The following PRRG1 variants were observed in gnomAD, a reference collection of about 807,000 sequenced individuals.
The protein encoded by PRRG1 is proline rich and Gla domain 1.
Under a neutral mutation model 11.8 loss-of-function variants are expected in PRRG1, and 5 were observed. The observed-to-expected ratio is 0.42, with a 90% confidence interval of 0.22 to 0.89. The LOEUF is 0.89. PRRG1 is among the 40% of genes least tolerant of loss of function. The pLI is 0.28. For missense variants in PRRG1, 155 were observed against 166.1 expected (o/e 0.93, Z 0.37); for synonymous variants, 66 against 60.4 (o/e 1.09, Z -0.43).
At chrX:37,433,773 C>T (rs979079589) in intron 3 of PRRG1, among the ~76,000 whole-genome samples, 1 of 111,497 alleles carries the variant, frequency 9.0e-6, no homozygotes, top group African/African-American at 3.3e-5. Context: ...TGGGAGGAAC[C>T]GATTTAAACC....
At position 37,430,559 on chromosome X, in the gene PRRG1, G is replaced by A. The variant is rs189541032; in HGVS notation, c.171+4559G>A. ...TATAATACACAATGGTTTCGGAATT[G>A]TAATATCTATACTGTAATGTGGAGA... On this transcript the variant is annotated intron_variant, in intron 3 of 3. Transcript: ENST00000378628. Among the ~76,000 whole-genome samples, 62 of 111,800 alleles carry A rather than the reference G, an allele frequency of 5.5e-4. 1 individual carries two copies. In the Admixed American group the frequency reaches 5.7e-3, roughly 10 times the overall value.
chrX:37,369,526 A>G (rs1415580058), intron 1 of PRRG1, among the ~76,000 whole-genome samples: 1 of 112,043 alleles, frequency 8.9e-6, no homozygotes, highest in Admixed American at 9.4e-5. Context: ...TATATAATAC[A>G]TTGTTATTAA....
At chrX:37,417,160 C>G (rs1486741174) in intron 2 of PRRG1, among the ~76,000 whole-genome samples, 2 of 110,882 alleles carry the variant, frequency 1.8e-5, no homozygotes, top group African/African-American at 3.3e-5. Context: ...CATTGTATGC[C>G]TCTGGTACTA....
In PRRG1 at chrX:37,359,780, A is replaced by G. The variant is rs782160356; in HGVS notation, c.-42+10385A>G. 2.7e-5 allele frequency among the ~76,000 whole-genome samples: 3 copies of G among 111,457 alleles called. No homozygotes were observed. In the South Asian group the frequency reaches 1.1e-3, roughly 42 times the overall value. On this transcript the variant is annotated intron_variant, in intron 1 of 3. Transcript: ENST00000378628. The stretch of plus-strand genomic sequence containing the variant: ...TGTGGTGCTTTCTGTTTTGCAGGTT[A>G]TTATTGTTTCAATTTCTTTAGTATA...
chrX:37,431,327 G>A (rs1391626502), intron 3 of PRRG1, among the ~76,000 whole-genome samples: 1 of 112,081 alleles, frequency 8.9e-6, no homozygotes, highest in Non-Finnish European at 1.9e-5. Flanking sequence ...AAACTAATTT[G>A]TCATTGTATA....
chrX:37,367,009 G>A (rs1930591503), intron 1 of PRRG1, among the ~76,000 whole-genome samples: 2 of 111,425 alleles, frequency 1.8e-5, no homozygotes, highest in South Asian at 7.6e-4. Flanking sequence ...ACTCAGAATG[G>A]TGCACTTTGA....
intron 1 of PRRG1, among the ~76,000 whole-genome samples, chrX:37,379,031 C>CTTTTTTT (rs56857980): frequency 2.8e-4 from 8 of 28,761 alleles, no homozygotes; most frequent in South Asian, 1.9e-3. Flanking sequence ...CATCTTTTTG[C>CTTTTTTT]TTTTTTTTTT....
intron 1 of PRRG1, among the ~76,000 whole-genome samples, chrX:37,359,470 C>G (rs1419144205): frequency 4.5e-5 from 5 of 111,263 alleles, no homozygotes; most frequent in Admixed American, 9.6e-5. Context: ...TTGAACCAGC[C>G]TTGCATACTT....
intron 2 of PRRG1, among the ~76,000 whole-genome samples, chrX:37,418,622 C>T (rs1287555958): frequency 2.7e-5 from 3 of 111,651 alleles, no homozygotes; most frequent in African/African-American, 9.8e-5. Context: ...AATTTACTGC[C>T]TTCTTGAACA....
chrX:37,422,270 C>G (rs781995501), intron 2 of PRRG1, among the ~76,000 whole-genome samples: 1 of 111,564 alleles, frequency 9.0e-6, no homozygotes, highest in South Asian at 3.8e-4. Context: ...AAAACTGATT[C>G]GAAACCCAGG....
chrX:37,385,801 T>C (rs1931306557), intron 1 of PRRG1, among the ~76,000 whole-genome samples: 1 of 108,877 alleles, frequency 9.2e-6, no homozygotes, highest in South Asian at 4.2e-4. Flanking sequence ...CGCTCTGTCG[T>C]CCAGGCTGGA....
intron 1 of PRRG1, among the ~76,000 whole-genome samples, chrX:37,384,956 A>G (rs1426439803): frequency 8.9e-6 from 1 of 111,807 alleles, no homozygotes; most frequent in Non-Finnish European, 1.9e-5. Context: ...AGAAATAGAA[A>G]TATAGGCATA....
chrX:37,451,753 G>A (rs1355828188), intron 3 of PRRG1, among the ~76,000 whole-genome samples: 8 of 112,079 alleles, frequency 7.1e-5, no homozygotes, highest in African/African-American at 2.6e-4. Flanking sequence ...TCATTCAGGA[G>A]TCATTTTTAT....
chrX:37,445,566 C>G (rs1556394976), intron 3 of PRRG1, among the ~76,000 whole-genome samples: 1 of 112,626 alleles, frequency 8.9e-6, no homozygotes, highest in Non-Finnish European at 1.9e-5. Context: ...TGCCCCCATG[C>G]ACATACTGCA....
At chrX:37,412,711 C>G (rs1198040219) in intron 2 of PRRG1, among the ~76,000 whole-genome samples, 1 of 109,803 alleles carries the variant, frequency 9.1e-6, no homozygotes, top group Non-Finnish European at 1.9e-5. Context: ...AAAAAAAGAA[C>G]TAACGGAGAG....
intron 3 of PRRG1, among the ~76,000 whole-genome samples, chrX:37,432,184 T>A (rs186226776): frequency 0.027 from 2,906 of 107,066 alleles, 114 homozygotes; most frequent in African/African-American, 0.094. Context: ...GCCTCCCGGG[T>A]TCACGCCATT....
chrX:37,402,896 C>T (rs2065524009), intron 1 of PRRG1, among the ~76,000 whole-genome samples: 1 of 112,061 alleles, frequency 8.9e-6, no homozygotes, highest in East Asian at 2.8e-4. Context: ...CCATCACTGG[C>T]CATCAGAGAA....
Position 37,455,972 on chromosome X carries a change from G to A in PRRG1, c.*2351G>A, listed in dbSNP as rs1556398273. 2 of 111,992 alleles carry A rather than the reference G, an allele frequency of 1.8e-5. No homozygotes were observed. The highest frequency in any genetic ancestry group is 3.2e-5 in the African/African-American group (1 of 30,831). The allele number at this position is 111,992 out of a possible 1,213,427, so 9.2% of individuals were successfully genotyped here. A position where few individuals can be genotyped will look rare whatever the true frequency, so the allele number is the denominator to read the frequency against. On this transcript the variant is annotated 3_prime_UTR_variant, in exon 4 of 4. Coordinates refer to ENST00000378628, the MANE Select transcript of PRRG1 (RefSeq NM_001142395.2). ...GAGATCAAAATATTTTTATTATAAT[G>A]TGAAGACATTGTCTTTTCACTCTAT...
chrX:37,405,406 CTT>C (rs1932155605), intron 1 of PRRG1, among the ~76,000 whole-genome samples: 1 of 111,760 alleles, frequency 8.9e-6, no homozygotes, highest in Non-Finnish European at 1.9e-5. Context: ...TAGTTTATGT[CTT>C]ATAGCTTTAC....
Sources: allele counts gnomAD v4.1 joint callset (sites outside exome capture counted in the v4.1 genomes callset), GRCh38; gene constraint gnomAD v4.1.1; transcripts MANE v1.5; gene names NCBI Gene and HGNC (gene_info 2026-07-23, HGNC 2026-07-21).